The following SLC26A8 variants were observed in gnomAD, a reference collection of about 807,000 sequenced individuals.
SLC26A8 encodes testis anion transporter 1.
SLC26A8 carries 70 observed loss-of-function variants against 105.0 expected under a neutral mutation model. The observed-to-expected ratio is 0.67, with a 90% CI of 0.55 to 0.81. The LOEUF is 0.81. Ranked by LOEUF, SLC26A8 falls within the 40% of genes least tolerant of loss-of-function variation. SLC26A8 has a pLI of 0.00. For missense variants in SLC26A8, 998 were observed against 1,181.8 expected (o/e 0.84, Z 2.28); for synonymous variants, 415 against 438.3 (o/e 0.95, Z 0.66).
intron 2 of SLC26A8, among the ~76,000 whole-genome samples, chr6:36,015,470 G>T (rs1375038932): frequency 1.3e-5 from 2 of 152,178 alleles, no homozygotes; most frequent in Admixed American, 1.3e-4. Context: ...TAGAAGTGGA[G>T]AGAATTGTAT....
intron 10 of SLC26A8, among the ~76,000 whole-genome samples, chr6:35,974,272 C>T (rs1196019171): frequency 6.6e-6 from 1 of 152,148 alleles, no homozygotes; most frequent in Non-Finnish European, 1.5e-5. Context: ...GAGCCGAGAT[C>T]GCGTCACTGC....
At chr6:35,953,339 A>G (rs1771944526) in intron 17 of SLC26A8, among the ~76,000 whole-genome samples, 1 of 152,092 alleles carries the variant, frequency 6.6e-6, no homozygotes, top group Non-Finnish European at 1.5e-5. Flanking sequence ...TGGCACAACT[A>G]TACCATGGAA....
chr6:36,004,467 A>T (rs1016119529), intron 3 of SLC26A8, among the ~76,000 whole-genome samples: 6 of 151,668 alleles, frequency 4.0e-5, no homozygotes, highest in South Asian at 2.1e-4. Flanking sequence ...CCTTTTTAAA[A>T]TTTTTTTTGC....
intron 19 of SLC26A8, among the ~76,000 whole-genome samples, chr6:35,950,354 A>G (rs1008994324): frequency 1.3e-5 from 2 of 150,208 alleles, no homozygotes; most frequent in African/African-American, 4.9e-5. Context: ...CAGTGGCGTG[A>G]TCTCAGCTCA....
Position 35,994,114 on chromosome 6 carries a change from TTC to T in SLC26A8, c.628-1442_628-1441del, listed in dbSNP as rs200002835. ...CACTGTGTCTCCCTTTTTTTTTCTTTTCTTTTTTTTTTTTTTTTGAGACGGAG... is the reference window on the plus strand; with the variant it reads ...CACTGTGTCTCCCTTTTTTTTTCTTTTTTTTTTTTTTTTTTTGAGACGGAG... On this transcript the variant is annotated intron_variant, in intron 5 of 19. Coordinates refer to ENST00000490799, the MANE Select transcript of SLC26A8 (RefSeq NM_052961.4). Among the ~76,000 whole-genome samples the T allele has an allele frequency of 2.2e-3, 226 of 104,952 alleles. 19 individuals are homozygous for T. The highest frequency in any genetic ancestry group is 4.6e-3 in the South Asian group (11 of 2,412). The allele number at this position is 104,952 out of a possible 152,430, so 68.9% of individuals were successfully genotyped here. A position where few individuals can be genotyped will look rare whatever the true frequency, so the allele number is the denominator to read the frequency against.
intron 1 of SLC26A8, among the ~76,000 whole-genome samples, chr6:36,023,519 C>T (rs1490944038): frequency 1.4e-5 from 2 of 145,644 alleles, no homozygotes; most frequent in African/African-American, 2.6e-5. Flanking sequence ...TGCATTCCAG[C>T]CTGGGCGACA....
At chr6:35,974,726 C>T (rs559487280) in intron 10 of SLC26A8, among the ~76,000 whole-genome samples, 1 of 152,130 alleles carries the variant, frequency 6.6e-6, no homozygotes, top group African/African-American at 2.4e-5. Context: ...GTAAGTTTAC[C>T]AGAAATATTC....
chr6:35,958,586 C>G (rs558062554), intron 16 of SLC26A8, among the ~76,000 whole-genome samples: 1 of 152,126 alleles, frequency 6.6e-6, no homozygotes, highest in Admixed American at 6.6e-5. Flanking sequence ...GTCAGGAGTT[C>G]GAGACTAGCC....
intron 3 of SLC26A8, among the ~76,000 whole-genome samples, chr6:36,009,741 G>T (rs2127367272): frequency 6.6e-6 from 1 of 152,316 alleles, no homozygotes; most frequent in African/African-American, 2.4e-5. Flanking sequence ...ACAACTTGAG[G>T]AATCTTTGTG....
chr6:35,952,112 C>T (rs566690969), intron 17 of SLC26A8, among the ~76,000 whole-genome samples: 6 of 152,300 alleles, frequency 3.9e-5, no homozygotes, highest in African/African-American at 1.4e-4. Context: ...AGGACGTCTG[C>T]AGGAGGAAAG....
intron 19 of SLC26A8, among the ~76,000 whole-genome samples, chr6:35,947,283 G>A (rs1466601980): frequency 6.6e-6 from 1 of 151,966 alleles, no homozygotes. Flanking sequence ...CGCCTTCCTT[G>A]GCCTCCCGAA....
At chr6:35,986,279 G>A (rs984375207) in intron 7 of SLC26A8, among the ~76,000 whole-genome samples, 2 of 151,836 alleles carry the variant, frequency 1.3e-5, no homozygotes, top group Non-Finnish European at 1.5e-5. Flanking sequence ...GGTGATCCAC[G>A]CGCCTCGGCC....
Position 35,943,617 on chromosome 6 carries a change from T to G in SLC26A8, c.*283A>C. ...GATGGTCTGGCACAAAGCCCAGAGA[T>G]GTGGGGTGTGTGAAGAAGGAAATTC... On this transcript the variant is annotated 3_prime_UTR_variant, in exon 20 of 20. Transcript: ENST00000490799. The G allele has an allele frequency of 5.2e-6, 2 of 383,198 alleles. No homozygotes were observed. Among genetic ancestry groups the G allele is most frequent in the East Asian group, 4.9e-5 (1 of 20,518 alleles). 23.7% of individuals were successfully genotyped at this position (383,198 alleles called of 1,614,324 possible). A position where few individuals can be genotyped will look rare whatever the true frequency, so the allele number is the denominator to read the frequency against.
At chr6:35,958,276 G>C (rs1052232226) in intron 16 of SLC26A8, among the ~76,000 whole-genome samples, 14 of 152,050 alleles carry the variant, frequency 9.2e-5, no homozygotes, top group African/African-American at 3.4e-4. Context: ...AAGGCAGGTG[G>C]ATCACCTGAG....
chr6:36,020,099 A>G (rs6940239), intron 1 of SLC26A8, among the ~76,000 whole-genome samples: 1 of 152,216 alleles, frequency 6.6e-6, no homozygotes, highest in East Asian at 1.9e-4. Context: ...AGAAGTCCAG[A>G]TGAAGGGTTA....
chr6:35,944,985 G>T (rs1771613929), intron 19 of SLC26A8, among the ~76,000 whole-genome samples: 1 of 152,028 alleles, frequency 6.6e-6, no homozygotes. Context: ...AAGTAGTTGG[G>T]ACTACAGATA....
intron 2 of SLC26A8, among the ~76,000 whole-genome samples, chr6:36,013,327 G>T (rs998717843): frequency 6.6e-6 from 1 of 152,070 alleles, no homozygotes. Flanking sequence ...CTCCTGAGTA[G>T]CTGGGATTAC....
At chr6:35,992,442 G>A in intron 6 of SLC26A8, 68 bp downstream of exon 6, 1 of 1,517,764 alleles carries the variant, frequency 6.6e-7, no homozygotes, top group Non-Finnish European at 8.9e-7. Flanking sequence ...TCCCTACTGA[G>A]CTCCACTTTT....
At chr6:35,991,624 G>A (rs975823674) in intron 7 of SLC26A8, 35 bp downstream of exon 7, 4 of 1,462,222 alleles carry the variant, frequency 2.7e-6, no homozygotes, top group Non-Finnish European at 2.7e-6. Context: ...CTAAAATTAT[G>A]CAAACTATGA....
Sources: gnomAD v4.1 joint callset for allele counts (sites outside exome capture counted in the v4.1 genomes callset) on GRCh38, gnomAD v4.1.1 for gene constraint, MANE v1.5 for transcripts, NCBI Gene and HGNC (gene_info 2026-07-23, HGNC 2026-07-21) for gene names.